The following RIMS3 variants were observed in gnomAD, a reference collection of about 807,000 sequenced individuals.
RIMS3 encodes the protein regulating synaptic membrane exocytosis 3.
In RIMS3, 15 loss-of-function variants were observed where a neutral mutation model predicts 29.2. The observed-to-expected ratio is 0.51, with a 90% confidence interval of 0.34 to 0.79. The LOEUF is 0.79. Ranked by LOEUF, RIMS3 falls within the 30% of genes least tolerant of loss-of-function variation. RIMS3 has a pLI of 0.01. For synonymous variants in RIMS3, 161 were observed against 170.1 expected, an observed-to-expected ratio of 0.95 and a Z score of 0.41; for missense variants, 342 against 421.4, an observed-to-expected ratio of 0.81 and a Z score of 1.65.
intron 1 of RIMS3, among the ~76,000 whole-genome samples, chr1:40,650,850 AG>A: frequency 1.7e-5 from 2 of 115,542 alleles, no homozygotes; most frequent in Non-Finnish European, 3.3e-5. Flanking sequence ...TGGATGACAG[AG>A]CCAGACTCTG....
At chr1:40,662,532 C>T (rs917299296) in intron 1 of RIMS3, among the ~76,000 whole-genome samples, 4 of 152,216 alleles carry the variant, frequency 2.6e-5, no homozygotes, top group Non-Finnish European at 5.9e-5. Flanking sequence ...GAGTCTGATA[C>T]ATCAGAGGTA....
At chr1:40,688,184 C>T in the RIMS3 span, among the ~76,000 whole-genome samples, 3 of 152,168 alleles carry the variant, frequency 2.0e-5, no homozygotes, top group East Asian at 1.9e-4. Flanking sequence ...AGGCTGGTCT[C>T]GAACTCCTGA....
At chr1:40,669,504 C>G (rs1375011741), upstream of RIMS3, 1 of 152,230 alleles carries the variant, frequency 6.6e-6, no homozygotes, top group Non-Finnish European at 1.5e-5. Context: ...CAGAGGAACA[C>G]TCCTGATACA....
Position 40,629,788 on chromosome 1 carries a change from C to T in RIMS3, c.473-416G>A, listed in dbSNP as rs996434406. On this transcript the variant is annotated intron_variant, in intron 5 of 7. Coordinates refer to ENST00000372684, the MANE Select transcript of RIMS3 (RefSeq NM_014747.3). ...CATACATCTGTGTCAAAAGAACATC[C>T]GTTTGAGGCCGGGCGCAGTGGCTCA... Among the ~76,000 whole-genome samples the T allele has an allele frequency of 3.9e-5, 6 of 152,078 alleles. No individual in the cohort carries two copies. The East Asian group carries it at 5.8e-4, about 15-fold the overall frequency.
At position 40,635,320 on chromosome 1, in the gene RIMS3, G is replaced by C. The variant is rs1253757674; in HGVS notation, c.359+596C>G. ...AAGGAGATTTAACATCATGACCCAG[G>C]ACAGACCTGTGTGCATCTATACATA... On this transcript the variant is annotated intron_variant, in intron 4 of 7. Transcript: ENST00000372684. This position sits in a 1 kb window ranked among gnomAD's most constrained non-coding sequence, Gnocchi z 4.1. Among the ~76,000 whole-genome samples the C allele has an allele frequency of 6.6e-6, 1 of 152,184 alleles. No individual in the cohort carries two copies. Among genetic ancestry groups the C allele is most frequent in the Non-Finnish European group, 1.5e-5 (1 of 68,036 alleles).
the RIMS3 span, among the ~76,000 whole-genome samples, chr1:40,690,014 A>G: frequency 3.9e-5 from 6 of 152,140 alleles, no homozygotes; most frequent in Non-Finnish European, 8.8e-5. Flanking sequence ...AATATACTTA[A>G]TATCACTCTT....
the RIMS3 span, among the ~76,000 whole-genome samples, chr1:40,686,440 C>T: frequency 6.6e-6 from 1 of 152,098 alleles, no homozygotes; most frequent in Non-Finnish European, 1.5e-5. Context: ...ATCATGAGGT[C>T]AGGAGATCGA....
chr1:40,637,565 G>A (rs767367878), intron 3 of RIMS3, among the ~76,000 whole-genome samples: 1 of 152,032 alleles, frequency 6.6e-6, no homozygotes, highest in East Asian at 1.9e-4. Flanking sequence ...AGGCAGACAT[G>A]CACGAGCAGC....
chr1:40,668,364 G>A (rs1321932716), upstream of RIMS3, among the ~76,000 whole-genome samples: 1 of 151,784 alleles, frequency 6.6e-6, no homozygotes, highest in East Asian at 1.9e-4. Context: ...CAAGGCTGCA[G>A]TGAGCTGTGA....
At chr1:40,673,852 T>G in the RIMS3 span, among the ~76,000 whole-genome samples, 413 of 152,354 alleles carry the variant, frequency 2.7e-3, 4 homozygotes, top group African/African-American at 9.4e-3. Flanking sequence ...GATCACTCTC[T>G]GAGCCTGTTT....
chr1:40,673,162 C>T, the RIMS3 span, among the ~76,000 whole-genome samples: 1 of 151,914 alleles, frequency 6.6e-6, no homozygotes, highest in African/African-American at 2.4e-5. Context: ...CCTGGAGACA[C>T]AGCAAGGCTC....
the RIMS3 span, among the ~76,000 whole-genome samples, chr1:40,683,743 T>C: frequency 2.6e-5 from 4 of 152,242 alleles, no homozygotes; most frequent in East Asian, 7.7e-4. Flanking sequence ...TAGTGGCTAC[T>C]GTATTGAACA....
intron 2 of RIMS3, among the ~76,000 whole-genome samples, chr1:40,644,762 C>T (rs1646583737): frequency 1.3e-5 from 2 of 152,198 alleles, no homozygotes; most frequent in Non-Finnish European, 2.9e-5. Flanking sequence ...CACCCAGCAC[C>T]CTACTGGCTC....
intron 1 of RIMS3, among the ~76,000 whole-genome samples, chr1:40,655,076 C>G (rs1642255468): frequency 6.6e-6 from 1 of 152,234 alleles, no homozygotes; most frequent in South Asian, 2.1e-4. Flanking sequence ...GATAAATCCA[C>G]TGTGTCCTCC....
intron 2 of RIMS3, among the ~76,000 whole-genome samples, chr1:40,642,727 G>A (rs567006554): frequency 7.3e-5 from 11 of 151,650 alleles, no homozygotes; most frequent in East Asian, 1.9e-4. Context: ...AGGCCGAGGC[G>A]GGCGGATCAC....
the RIMS3 span, among the ~76,000 whole-genome samples, chr1:40,686,373 C>T: frequency 6.6e-6 from 1 of 152,124 alleles, no homozygotes; most frequent in Non-Finnish European, 1.5e-5. Context: ...CTTAATTTGG[C>T]CGGGCACAGT....
At chr1:40,632,419 T>TATATATAG (rs1646494753) in intron 5 of RIMS3, among the ~76,000 whole-genome samples, 1 of 3,260 alleles carries the variant, frequency 3.1e-4, no homozygotes, top group Non-Finnish European at 6.8e-4. Context: ...CATATAAATT[T>TATATATAG]ATATATATAT....
At chr1:40,683,020 T>C in the RIMS3 span, among the ~76,000 whole-genome samples, 4 of 152,120 alleles carry the variant, frequency 2.6e-5, no homozygotes, top group African/African-American at 7.2e-5. Flanking sequence ...TCACTGTGCC[T>C]GGCTGAACTT....
intron 1 of RIMS3, among the ~76,000 whole-genome samples, chr1:40,659,259 G>A (rs913785472): frequency 2.6e-5 from 4 of 152,218 alleles, no homozygotes; most frequent in African/African-American, 7.2e-5. Context: ...AGGGACTGGA[G>A]TTCAAAGTGT....
Sources: allele counts gnomAD v4.1 joint callset (sites outside exome capture counted in the v4.1 genomes callset), GRCh38; gene constraint gnomAD v4.1.1; non-coding constraint Gnocchi (gnomAD v3.1); transcripts MANE v1.5; gene names NCBI Gene and HGNC (gene_info 2026-07-23, HGNC 2026-07-21).